The following FBN2 variants were observed in gnomAD, a reference collection of about 807,000 sequenced individuals.
FBN2 encodes the protein fibrillin-2.
Under a neutral mutation model 355.6 loss-of-function variants are expected in FBN2, and 105 were observed. The ratio of observed to expected loss-of-function variants is 0.30; its 90% confidence interval spans 0.25 to 0.35. FBN2 has a LOEUF of 0.35. Among genes scored for constraint, FBN2 ranks in the 10% least tolerant of loss-of-function variants. FBN2 has a pLI of 1.00. For synonymous variants in FBN2, 1,350 were observed against 1,301.2 expected (o/e 1.04, Z -0.81); for missense variants, 3,280 against 3,758.7 (o/e 0.87, Z 3.33).
intron 7 of FBN2, among the ~76,000 whole-genome samples, chr5:128,443,074 A>T (rs950407787): frequency 2.6e-5 from 4 of 152,226 alleles, no homozygotes; most frequent in Non-Finnish European, 5.9e-5. Context: ...CATCACAGTG[A>T]ATGAGCAGAA....
At chr5:128,463,084 C>T (rs1289931546) in intron 6 of FBN2, among the ~76,000 whole-genome samples, 3 of 151,854 alleles carry the variant, frequency 2.0e-5, no homozygotes, top group Admixed American at 1.3e-4. Context: ...TATAGTAAAT[C>T]CAGTCATTAT....
At chr5:128,321,280 G>A (rs1269061775) in intron 34 of FBN2, among the ~76,000 whole-genome samples, 1 of 152,026 alleles carries the variant, frequency 6.6e-6, no homozygotes, top group Non-Finnish European at 1.5e-5. Context: ...GAATATTTCT[G>A]TTTAGCTCAT....
intron 5 of FBN2, among the ~76,000 whole-genome samples, chr5:128,465,353 AAAT>A (rs1439172554): frequency 6.6e-6 from 1 of 152,216 alleles, no homozygotes; most frequent in Admixed American, 6.5e-5. Context: ...GGACACCACT[AAAT>A]CCGAGCTCAG....
At chr5:128,282,602 T>C (rs1748993319) in intron 55 of FBN2, among the ~76,000 whole-genome samples, 1 of 152,212 alleles carries the variant, frequency 6.6e-6, no homozygotes, top group African/African-American at 2.4e-5. Flanking sequence ...TTTTGCTTTA[T>C]TGACATTGGC....
At chr5:128,470,337 G>A (rs1260520790) in intron 5 of FBN2, among the ~76,000 whole-genome samples, 1 of 152,198 alleles carries the variant, frequency 6.6e-6, no homozygotes, top group Non-Finnish European at 1.5e-5. Flanking sequence ...CCACGTTGGA[G>A]AGAGTTAAGG....
chr5:128,419,145 G>A (rs1753280068), intron 7 of FBN2, among the ~76,000 whole-genome samples: 1 of 152,154 alleles, frequency 6.6e-6, no homozygotes, highest in Admixed American at 6.5e-5. Context: ...TTGCAACTTT[G>A]CTTAAATCAT....
At chr5:128,437,879 TA>T (rs1234648576) in intron 7 of FBN2, among the ~76,000 whole-genome samples, 1 of 152,140 alleles carries the variant, frequency 6.6e-6, no homozygotes, top group African/African-American at 2.4e-5. Flanking sequence ...GAAAGCATCA[TA>T]AAAAAGAAAA....
chr5:128,410,310 A>G (rs1753031293), intron 7 of FBN2, among the ~76,000 whole-genome samples: 1 of 152,210 alleles, frequency 6.6e-6, no homozygotes, highest in Admixed American at 6.5e-5. Flanking sequence ...TCTTAATACA[A>G]CTGAGCATGG....
chr5:128,291,693 T>C (rs773952194), intron 48 of FBN2, 39 bp from the exon 49 acceptor site: 1 of 1,598,442 alleles, frequency 6.3e-7, no homozygotes, highest in Non-Finnish European at 8.6e-7. Context: ...CATTCAACAC[T>C]TGAAAATAAA....
intron 62 of FBN2, among the ~76,000 whole-genome samples, chr5:128,264,482 T>C (rs984019730): frequency 6.6e-6 from 1 of 152,238 alleles, no homozygotes; most frequent in Non-Finnish European, 1.5e-5. Context: ...GGTAGCAGGA[T>C]AATTATAGGT....
At chr5:128,480,613 G>A (rs566705898) in intron 5 of FBN2, among the ~76,000 whole-genome samples, 1 of 152,304 alleles carries the variant, frequency 6.6e-6, no homozygotes, top group Non-Finnish European at 1.5e-5. Flanking sequence ...GGGAGGCTGA[G>A]GTGGGAGAAT....
chr5:128,394,234 T>C (rs1366220210), intron 9 of FBN2, among the ~76,000 whole-genome samples: 2 of 152,196 alleles, frequency 1.3e-5, no homozygotes, highest in African/African-American at 4.8e-5. Context: ...GAGAAAATGA[T>C]AATAGAATTG....
chr5:128,470,048 G>A (rs1754814771), intron 5 of FBN2, among the ~76,000 whole-genome samples: 1 of 152,206 alleles, frequency 6.6e-6, no homozygotes, highest in Non-Finnish European at 1.5e-5. Context: ...AGTTAAAAGA[G>A]AAACGAGTCT....
intron 36 of FBN2, among the ~76,000 whole-genome samples, chr5:128,313,800 C>A (rs148011554): frequency 0.016 from 2,319 of 146,242 alleles, 21 homozygotes; most frequent in Non-Finnish European, 0.025. Context: ...TTGCAGTGAG[C>A]CGAGATCACG....
chr5:128,311,860 C>G, intron 38 of FBN2, 25 bp downstream of exon 38: 5 of 1,564,102 alleles, frequency 3.2e-6, no homozygotes, highest in Non-Finnish European at 4.4e-6. Context: ...TTGTTTGAAT[C>G]TGGGTGACAA....
rs139193025 is a variant in FBN2, at chr5:128,482,311, G to A, written c.629-17390C>T. Reference sequence around the variant, plus strand: ...AATTTCCCCCGCCCAGCAAGAGGACGATGAAGGCAGTAAAGGGCCAAGCAG... The same window carrying A: ...AATTTCCCCCGCCCAGCAAGAGGACAATGAAGGCAGTAAAGGGCCAAGCAG... On this transcript the variant is annotated intron_variant, in intron 5 of 64. Transcript: ENST00000262464. Among the ~76,000 whole-genome samples, 116 of 152,162 alleles carry A rather than the reference G, an allele frequency of 7.6e-4. 2 individuals carry two copies. In the East Asian group the frequency reaches 0.021, roughly 27 times the overall value.
chr5:128,501,192 C>A (rs1755799464), intron 5 of FBN2, among the ~76,000 whole-genome samples: 1 of 152,204 alleles, frequency 6.6e-6, no homozygotes, highest in African/African-American at 2.4e-5. Flanking sequence ...TCAGGGATAT[C>A]CTCTTTGAAA....
At chr5:128,377,544 C>T (rs1752109198) in intron 13 of FBN2, among the ~76,000 whole-genome samples, 1 of 125,566 alleles carries the variant, frequency 8.0e-6, no homozygotes, top group South Asian at 3.0e-4. Context: ...TCCTCCCCTC[C>T]ACCACCAAAA....
intron 5 of FBN2, among the ~76,000 whole-genome samples, chr5:128,492,963 A>G (rs1337704118): frequency 1.3e-5 from 2 of 152,182 alleles, no homozygotes; most frequent in African/African-American, 4.8e-5. Context: ...ATGAAAAAGA[A>G]TACAAAGACT....
Sources: gnomAD v4.1 joint callset for allele counts (sites outside exome capture counted in the v4.1 genomes callset) on GRCh38, gnomAD v4.1.1 for gene constraint, MANE v1.5 for transcripts, NCBI Gene and HGNC (gene_info 2026-07-23, HGNC 2026-07-21) for gene names.